The following ATP11A variants were observed in gnomAD, a reference collection of about 807,000 sequenced individuals.
ATP11A encodes phospholipid-transporting ATPase IH.
ATP11A carries 81 observed loss-of-function variants against 154.4 expected under a neutral mutation model. That is an observed-to-expected ratio of 0.52 (90% CI 0.44 to 0.63). ATP11A has a LOEUF of 0.63. ATP11A is among the 30% of genes least tolerant of loss of function. The pLI, the probability that ATP11A is intolerant of heterozygous loss-of-function variation, is 0.00. For missense variants in ATP11A, 1,316 were observed against 1,474.3 expected (o/e 0.89, Z 1.76); for synonymous variants, 623 against 585.9 (o/e 1.06, Z -0.91).
At chr13:112,698,250 G>GTGCT (rs138115990) in intron 1 of ATP11A, among the ~76,000 whole-genome samples, 3,623 of 152,196 alleles carry the variant, frequency 0.024, 149 homozygotes, top group African/African-American at 0.078. Context: ...GGGAGGGTCG[G>GTGCT]TGCTCTCCAC....
At chr13:112,878,151 T>C in intron 28 of ATP11A, 66 bp from the exon 29 acceptor site, 1 of 1,457,494 alleles carries the variant, frequency 6.9e-7, no homozygotes, top group Admixed American at 1.7e-5. Context: ...TTCCGACCGC[T>C]TTGCCTAAAT....
At position 112,887,073 on chromosome 13, in the gene ATP11A, G is replaced by T. The variant is rs1340602937; in HGVS notation, c.*5207G>T. The T allele has an allele frequency of 6.6e-6, 1 of 152,056 alleles. No homozygotes were observed. The highest frequency in any genetic ancestry group is 1.5e-5 in the Non-Finnish European group (1 of 68,026). 9.4% of individuals were successfully genotyped at this position (152,056 alleles called of 1,614,324 possible). A position where few individuals can be genotyped will look rare whatever the true frequency, so the allele number is the denominator to read the frequency against. On this transcript the variant is annotated 3_prime_UTR_variant, in exon 30 of 30. Coordinates refer to ENST00000375645, the MANE Select transcript of ATP11A (RefSeq NM_015205.3). ...TAAACTGACTGGATAATATTATATT[G>T]GACTTTTCTCTAGATTATCTAAGCA...
intron 2 of ATP11A, among the ~76,000 whole-genome samples, chr13:112,799,165 C>T (rs531990182): frequency 7.2e-5 from 11 of 152,264 alleles, no homozygotes; most frequent in South Asian, 4.1e-4. Context: ...GAGGCAAAAA[C>T]GGATAGAACT....
chr13:112,854,385 G>A lies in ATP11A; in HGVS notation c.2098G>A (p.Ala700Thr), dbSNP rs767345336. The A allele has an allele frequency of 1.5e-5, 25 of 1,613,938 alleles. No homozygotes were observed. Among genetic ancestry groups the A allele is most frequent in the East Asian group, 2.2e-5 (1 of 44,876 alleles). The part of the protein sequence containing the change: ...KMETAAATCY[A>T]CKLFRRNTQL... ...GGAGACGGCCGCGGCCACGTGCTACGCCTGCAAGCTCTTCCGCAGGAACAC... is the reference window on the plus strand; with the variant it reads ...GGAGACGGCCGCGGCCACGTGCTACACCTGCAAGCTCTTCCGCAGGAACAC... Residue 700 changes from alanine (A) to threonine (T), a missense_variant, in exon 19 of 30, where the codon GCC becomes ACC. Physicochemically the swap from Ala to Thr is moderately conservative, Grantham distance 58. Transcript: ENST00000375645.
intron 20 of ATP11A, chr13:112,856,300 A>T: frequency 2.3e-6 from 1 of 429,970 alleles, no homozygotes. Context: ...CAGATGTATG[A>T]CCCTTCCAGA....
In ATP11A at chr13:112,882,790, G is replaced by T; in HGVS notation, c.*924G>T. The T allele has an allele frequency of 2.5e-6, 1 of 399,320 alleles. No homozygotes were observed. Among genetic ancestry groups the T allele is most frequent in the Non-Finnish European group, 4.4e-6 (1 of 226,690 alleles). 24.7% of individuals were successfully genotyped at this position (399,320 alleles called of 1,614,324 possible). On this transcript the variant is annotated 3_prime_UTR_variant, in exon 30 of 30. Coordinates refer to ENST00000375645, the MANE Select transcript of ATP11A (RefSeq NM_015205.3). This position sits in a 1 kb window ranked among gnomAD's most constrained non-coding sequence, Gnocchi z 5.1. ...TTACGGGAGAATGTTGATTTCGCGG[G>T]TGCGAGGGCCGGGAGACAGATACTT...
chr13:112,794,317 T>C (rs539992265), intron 2 of ATP11A, among the ~76,000 whole-genome samples: 4 of 152,346 alleles, frequency 2.6e-5, no homozygotes, highest in African/African-American at 4.8e-5. Flanking sequence ...CTGTCCACCA[T>C]TGTCAGCCTT....
intron 1 of ATP11A, among the ~76,000 whole-genome samples, chr13:112,777,730 G>C (rs531249152): frequency 6.6e-6 from 1 of 152,332 alleles, no homozygotes; most frequent in South Asian, 2.1e-4. Context: ...GGGTGGGAAG[G>C]CTGCCGGAAG....
chr13:112,750,661 C>T (rs981159494), intron 1 of ATP11A, among the ~76,000 whole-genome samples: 5 of 152,262 alleles, frequency 3.3e-5, no homozygotes, highest in African/African-American at 1.2e-4. Context: ...TTCAGCCTCT[C>T]GTGAATTTCT....
intron 2 of ATP11A, among the ~76,000 whole-genome samples, chr13:112,789,272 G>C (rs1463514311): frequency 2.7e-5 from 4 of 148,786 alleles, no homozygotes; most frequent in South Asian, 2.1e-4. Flanking sequence ...GTAGACTCCT[G>C]TGGAGACCTC....
At chr13:112,816,943 C>A (rs913390905) in intron 6 of ATP11A, among the ~76,000 whole-genome samples, 2 of 152,178 alleles carry the variant, frequency 1.3e-5, no homozygotes, top group Non-Finnish European at 2.9e-5. Context: ...AAGTCACACA[C>A]GATTCTAGAT....
At chr13:112,879,143 C>A (rs867528976) in intron 29 of ATP11A, among the ~76,000 whole-genome samples, 20 of 152,382 alleles carry the variant, frequency 1.3e-4, no homozygotes, top group African/African-American at 4.1e-4. Context: ...CGCCTTCACG[C>A]ATGCCTCCAA....
At chr13:112,755,966 C>T (rs2076818058) in intron 1 of ATP11A, among the ~76,000 whole-genome samples, 1 of 135,530 alleles carries the variant, frequency 7.4e-6, no homozygotes. Flanking sequence ...GGAAGCGGCA[C>T]TCAGAGCGGC....
At chr13:112,721,411 GTTCTCT>G (rs892557030) in intron 1 of ATP11A, among the ~76,000 whole-genome samples, 13 of 152,218 alleles carry the variant, frequency 8.5e-5, no homozygotes, top group African/African-American at 3.1e-4. Flanking sequence ...AAGAGGCTTT[GTTCTCT>G]TGCGTGTGCA....
chr13:112,847,103 C>T (rs2079631500), intron 17 of ATP11A, among the ~76,000 whole-genome samples: 1 of 152,200 alleles, frequency 6.6e-6, no homozygotes, highest in South Asian at 2.1e-4. Flanking sequence ...TTCACTGGCT[C>T]CGGCTACGTT....
chr13:112,806,621 A>T (rs2078329468), intron 4 of ATP11A, among the ~76,000 whole-genome samples: 1 of 151,854 alleles, frequency 6.6e-6, no homozygotes, highest in Non-Finnish European at 1.5e-5. Flanking sequence ...CATGCTGTTT[A>T]TGGACTCCAG....
At position 112,858,551 on chromosome 13, in the gene ATP11A, T is replaced by G. The variant is rs2080004134; in HGVS notation, c.2667+261T>G. The stretch of plus-strand genomic sequence containing the variant: ...TGCAGAAATAAACAGTTCCTCAGGT[T>G]TAAATTGCATGCCATTCCGAGCAGC... On this transcript the variant is annotated intron_variant, in intron 22 of 29. Transcript: ENST00000375645. 1.1e-5 allele frequency: 4 copies of G among 366,268 alleles called. No individual in the cohort carries two copies. In the South Asian group the frequency reaches 1.6e-4, roughly 15 times the overall value. The allele number at this position is 366,268 out of a possible 1,614,324, so 22.7% of individuals were successfully genotyped here. A position where few individuals can be genotyped will look rare whatever the true frequency, so the allele number is the denominator to read the frequency against.
intron 1 of ATP11A, among the ~76,000 whole-genome samples, chr13:112,763,253 G>C (rs187126072): frequency 2.0e-5 from 3 of 152,152 alleles, no homozygotes; most frequent in African/African-American, 7.2e-5. Context: ...TCTTGGCCAA[G>C]GGGACCCCAA....
At chr13:112,855,205 GT>G (rs1039354426) in intron 19 of ATP11A, among the ~76,000 whole-genome samples, 1 of 152,034 alleles carries the variant, frequency 6.6e-6, no homozygotes, top group Admixed American at 6.5e-5. Context: ...TTTTTTTGTT[GT>G]TTTTTGTTTT....
Sources: allele counts gnomAD v4.1 joint callset (sites outside exome capture counted in the v4.1 genomes callset), GRCh38; gene constraint gnomAD v4.1.1; non-coding constraint Gnocchi (gnomAD v3.1); transcripts MANE v1.5; gene names NCBI Gene and HGNC (gene_info 2026-07-23, HGNC 2026-07-21).